The following ZNF536 variants were observed in gnomAD, a reference collection of about 807,000 sequenced individuals.
ZNF536 encodes the protein zinc finger protein 536.
Under a neutral mutation model 84.5 loss-of-function variants are expected in ZNF536, and 13 were observed. The observed-to-expected ratio is 0.15, with a 90% CI of 0.10 to 0.24. The LOEUF is 0.24. Ranked by LOEUF, ZNF536 falls within the 10% of genes least tolerant of loss-of-function variation. The pLI is 1.00. For missense variants in ZNF536, 1,536 were observed against 1,747.5 expected (o/e 0.88, Z 2.16); for synonymous variants, 811 against 742.5 (o/e 1.09, Z -1.50).
intron 1 of ZNF536, among the ~76,000 whole-genome samples, chr19:30,375,343 G>A (rs1439090664): frequency 6.6e-6 from 1 of 152,016 alleles, no homozygotes; most frequent in African/African-American, 2.4e-5. Context: ...TAGAGGCGCC[G>A]TCACCGCGCC....
chr19:30,503,448 A>G (rs944206360), intron 2 of ZNF536, among the ~76,000 whole-genome samples: 5 of 152,254 alleles, frequency 3.3e-5, no homozygotes, highest in African/African-American at 1.2e-4. Context: ...ACCTGTATTT[A>G]CTGACTTGGA....
At chr19:30,284,056 G>GT (rs2045547333) in intron 1 of ZNF536, 1 of 152,196 alleles carries the variant, frequency 6.6e-6, no homozygotes. Context: ...GTTTCTAACA[G>GT]GTCTTATTTT....
At chr19:30,454,296 C>A (rs572212317) in intron 2 of ZNF536, among the ~76,000 whole-genome samples, 2 of 152,188 alleles carry the variant, frequency 1.3e-5, no homozygotes, top group African/African-American at 4.8e-5. Flanking sequence ...GAAACAGGAT[C>A]GCGCCACAGT....
rs527960632 is a variant in ZNF536 at position 30,570,054 on chromosome 19, C to G, written c.169+20540C>G. On this transcript the variant is annotated intron_variant, in intron 1 of 1. Transcript: ENST00000592773. Reference sequence around the variant, plus strand: ...GATGCTGCTAAATGCCTACAATGCACAGGACAGCCCCTACCACAATTATCT... The same window carrying G: ...GATGCTGCTAAATGCCTACAATGCAGAGGACAGCCCCTACCACAATTATCT... 1.1e-3 allele frequency among the ~76,000 whole-genome samples: 163 copies of G among 152,282 alleles called. 5 individuals carry two copies. In the South Asian group the frequency reaches 0.033, roughly 31 times the overall value.
At chr19:30,457,724 C>T (rs553425423) in intron 2 of ZNF536, among the ~76,000 whole-genome samples, 5 of 152,326 alleles carry the variant, frequency 3.3e-5, no homozygotes, top group Admixed American at 2.0e-4. Flanking sequence ...CCTACTGGGA[C>T]CCTGCAGCTG....
chr19:30,357,021 C>T (rs1048199130), intron 3 of ZNF536, among the ~76,000 whole-genome samples: 10 of 152,234 alleles, frequency 6.6e-5, no homozygotes. Flanking sequence ...TTGGACAAGA[C>T]AGACAAGGGC....
chr19:30,263,861 T>C (rs1007343441), intron 1 of ZNF536, among the ~76,000 whole-genome samples: 2 of 143,378 alleles, frequency 1.4e-5, no homozygotes, highest in Non-Finnish European at 1.5e-5. Context: ...TAGGCTGAAA[T>C]TTAAACACAC....
At chr19:30,535,970 TG>T (rs1185437788) in intron 3 of ZNF536, among the ~76,000 whole-genome samples, 5 of 152,124 alleles carry the variant, frequency 3.3e-5, no homozygotes, top group African/African-American at 1.2e-4. Context: ...GTGCCTCACC[TG>T]GTCCCCACAA....
At chr19:30,488,288 A>G (rs114679730) in intron 2 of ZNF536, among the ~76,000 whole-genome samples, 2,218 of 152,212 alleles carry the variant, frequency 0.015, 41 homozygotes, top group African/African-American at 0.051. Context: ...GGGTTTTTCA[A>G]TGTCAGTGGC....
intron 1 of ZNF536, among the ~76,000 whole-genome samples, chr19:30,640,232 GTGAGA>G (rs2049219735): frequency 6.4e-4 from 1 of 1,558 alleles, no homozygotes; most frequent in Non-Finnish European, 7.2e-3. Context: ...GGGCAACAGA[GTGAGA>G]GTGAGACCCT....
At chr19:30,601,517 C>T (rs726644) in intron 1 of ZNF536, among the ~76,000 whole-genome samples, 3,349 of 152,264 alleles carry the variant, frequency 0.022, 119 homozygotes, top group Admixed American at 0.091. Context: ...CTGCAGGAAA[C>T]CCCTAAATTG....
intron 1 of ZNF536, among the ~76,000 whole-genome samples, chr19:30,259,664 T>A (rs1599924702): frequency 6.6e-6 from 1 of 152,306 alleles, no homozygotes; most frequent in Non-Finnish European, 1.5e-5. Context: ...CATCTTCGTG[T>A]CCCAGAGGCT....
intron 1 of ZNF536, among the ~76,000 whole-genome samples, chr19:30,383,772 T>TTTTC (rs1414180619): frequency 5.1e-4 from 32 of 62,448 alleles, no homozygotes; most frequent in African/African-American, 1.2e-3. Flanking sequence ...TCTTTCTTTC[T>TTTTC]TTTCTTTCTT....
chr19:30,376,328 G>A (rs964571543), intron 1 of ZNF536, among the ~76,000 whole-genome samples: 1 of 152,072 alleles, frequency 6.6e-6, no homozygotes, highest in Non-Finnish European at 1.5e-5. Flanking sequence ...TGCCTTTGTC[G>A]GCTGGCCCTG....
At chr19:30,697,175 C>G (rs764558263) in intron 1 of ZNF536, among the ~76,000 whole-genome samples, 1 of 152,178 alleles carries the variant, frequency 6.6e-6, no homozygotes, top group Admixed American at 6.5e-5. Context: ...ACCATCAGCA[C>G]TCATGAGAAC....
chr19:30,270,516 G>A (rs1349271723), intron 1 of ZNF536, among the ~76,000 whole-genome samples: 1 of 152,182 alleles, frequency 6.6e-6, no homozygotes, highest in Non-Finnish European at 1.5e-5. Context: ...AAATGCATTA[G>A]AAGTAAAATG....
At chr19:30,594,617 C>G (rs1046071266) in intron 1 of ZNF536, among the ~76,000 whole-genome samples, 3 of 152,134 alleles carry the variant, frequency 2.0e-5, no homozygotes, top group Non-Finnish European at 4.4e-5. Context: ...CTGCAGGACA[C>G]CCCCGTGGAG....
At chr19:30,382,069 C>T (rs539412495) in intron 1 of ZNF536, among the ~76,000 whole-genome samples, 86 of 152,188 alleles carry the variant, frequency 5.7e-4, no homozygotes, top group Non-Finnish European at 1.1e-3. Context: ...TAAAAATGAC[C>T]TTCTTTGGCT....
chr19:30,504,633 C>T (rs1206508039), intron 2 of ZNF536, among the ~76,000 whole-genome samples: 2 of 149,680 alleles, frequency 1.3e-5, no homozygotes, highest in African/African-American at 4.9e-5. Flanking sequence ...TCCCTCCCAC[C>T]CTCTCTCTGG....
Sources: allele counts gnomAD v4.1 joint callset (sites outside exome capture counted in the v4.1 genomes callset), GRCh38; gene constraint gnomAD v4.1.1; transcripts MANE v1.5; gene names NCBI Gene and HGNC (gene_info 2026-07-23, HGNC 2026-07-21).